The following PDLIM5 variants were observed in gnomAD, a reference collection of about 807,000 sequenced individuals.
PDLIM5 encodes the protein PDZ and LIM domain 5.
In PDLIM5, 34 loss-of-function variants were observed where a neutral mutation model predicts 64.2. The ratio of observed to expected loss-of-function variants is 0.53; its 90% CI spans 0.40 to 0.71. PDLIM5 has a LOEUF of 0.71. Ranked by LOEUF, PDLIM5 falls within the 30% of genes least tolerant of loss-of-function variation. The probability of loss-of-function intolerance (pLI) is 0.00; values close to 1 mark genes in which losing one functional copy is unlikely to be tolerated. For synonymous variants in PDLIM5, 253 were observed against 269.1 expected (o/e 0.94, Z 0.59); for missense variants, 683 against 733.6 (o/e 0.93, Z 0.80).
intron 5 of PDLIM5, among the ~76,000 whole-genome samples, chr4:94,578,491 A>G (rs1213148882): frequency 2.6e-5 from 4 of 152,188 alleles, no homozygotes; most frequent in African/African-American, 4.8e-5. Context: ...AAGTGTCTAG[A>G]TATTAGGACA....
chr4:94,524,223 G>A (rs1253342155), intron 3 of PDLIM5, among the ~76,000 whole-genome samples: 2 of 151,844 alleles, frequency 1.3e-5, no homozygotes, highest in Admixed American at 1.3e-4. Flanking sequence ...AAAAAAATTA[G>A]CCAGGCGTGG....
intron 9 of PDLIM5, among the ~76,000 whole-genome samples, chr4:94,645,081 C>T (rs1301926253): frequency 1.3e-5 from 2 of 152,160 alleles, no homozygotes; most frequent in Non-Finnish European, 2.9e-5. Context: ...CCCATCCTTT[C>T]CCCTTGAGTC....
At chr4:94,641,057 A>C (rs1740967197) in intron 9 of PDLIM5, among the ~76,000 whole-genome samples, 1 of 152,240 alleles carries the variant, frequency 6.6e-6, no homozygotes, top group Non-Finnish European at 1.5e-5. Flanking sequence ...ACTGTACTGC[A>C]GCTTATTGAA....
intron 2 of PDLIM5, chr4:94,456,128 A>G: frequency 1.6e-6 from 1 of 626,490 alleles, no homozygotes; most frequent in Non-Finnish European, 2.4e-6. Flanking sequence ...ATAAGTTTCT[A>G]AAAGGTTTGT....
intron 2 of PDLIM5, among the ~76,000 whole-genome samples, chr4:94,465,493 T>G (rs548918164): frequency 1.3e-5 from 2 of 152,270 alleles, no homozygotes; most frequent in African/African-American, 4.8e-5. Context: ...CTCCACGTCC[T>G]GGGTTCAAGC....
chr4:94,470,098 C>T (rs562420192), intron 2 of PDLIM5, among the ~76,000 whole-genome samples: 2 of 151,640 alleles, frequency 1.3e-5, no homozygotes, highest in Non-Finnish European at 2.9e-5. Flanking sequence ...TCCCCAGTAG[C>T]CGGGAGTACA....
At chr4:94,514,692 C>G (rs1338824497) in intron 2 of PDLIM5, among the ~76,000 whole-genome samples, 3 of 152,126 alleles carry the variant, frequency 2.0e-5, no homozygotes, top group Non-Finnish European at 4.4e-5. Context: ...GGGAGACTTT[C>G]TGTTACGGCT....
At chr4:94,526,374 A>G (rs1431257555) in intron 3 of PDLIM5, among the ~76,000 whole-genome samples, 1 of 152,250 alleles carries the variant, frequency 6.6e-6, no homozygotes, top group Non-Finnish European at 1.5e-5. Flanking sequence ...TTGACTTGTT[A>G]TAAACATTTG....
At chr4:94,456,381 A>G (rs1459678286) in intron 2 of PDLIM5, 4 of 656,122 alleles carry the variant, frequency 6.1e-6, no homozygotes, top group South Asian at 1.6e-5. Flanking sequence ...TATTTTTAGT[A>G]GAGACCAAGT....
At chr4:94,582,810 A>G in intron 5 of PDLIM5, 1 of 890,102 alleles carries the variant, frequency 1.1e-6, no homozygotes, top group Non-Finnish European at 1.8e-6. Context: ...ACTACCAGCA[A>G]ATTTTGTTAG....
chr4:94,657,371 A>T, intron 10 of PDLIM5, 56 bp from the exon 11 acceptor site: 1 of 1,262,560 alleles, frequency 7.9e-7, no homozygotes, highest in Non-Finnish European at 1.2e-6. Context: ...TAGAATAAAC[A>T]TTTATGTATT....
rs753306742 is a variant in PDLIM5, at chr4:94,479,243, C to CT, written c.96+23870dup. Among the ~76,000 whole-genome samples, 618 of 142,416 alleles carry CT rather than the reference C, an allele frequency of 4.3e-3. 4 individuals are homozygous for CT. Among genetic ancestry groups the CT allele is most frequent in the Non-Finnish European group, 6.9e-3 (446 of 64,902 alleles). 93.4% of individuals were successfully genotyped at this position (142,416 alleles called of 152,430 possible). On this transcript the variant is annotated intron_variant, in intron 2 of 12. Transcript: ENST00000317968. ...ACACACCAAAACCACCATTTCAGTA[C>CT]TTTTTTTTTTTCTTGCTCTATTTAT...
At chr4:94,460,791 A>T (rs1394574980) in intron 2 of PDLIM5, among the ~76,000 whole-genome samples, 3 of 152,200 alleles carry the variant, frequency 2.0e-5, no homozygotes, top group Admixed American at 1.3e-4. Context: ...CTTGGATTTA[A>T]ATCTTAGCTG....
rs936002655 is a variant in PDLIM5 at position 94,585,866 on chromosome 4, A to C, written c.883+129A>C. On this transcript the variant is annotated intron_variant, in intron 6 of 12. Coordinates refer to ENST00000317968, the MANE Select transcript of PDLIM5 (RefSeq NM_006457.5). ...GCTTTTAAATTATGCTGTGCATAACATGGGTAATATAAATAAGACCCCAGG... is the reference window on the plus strand; with the variant it reads ...GCTTTTAAATTATGCTGTGCATAACCTGGGTAATATAAATAAGACCCCAGG... 1.7e-5 allele frequency: 11 copies of C among 654,388 alleles called. No individual in the cohort carries two copies. The Admixed American group carries it at 2.5e-4, about 15-fold the overall frequency. The allele number at this position is 654,388 out of a possible 1,614,324, so 40.5% of individuals were successfully genotyped here.
intron 3 of PDLIM5, among the ~76,000 whole-genome samples, chr4:94,542,453 T>G (rs1174236142): frequency 6.6e-6 from 1 of 152,186 alleles, no homozygotes; most frequent in Non-Finnish European, 1.5e-5. Flanking sequence ...TTTTTTCTCA[T>G]TTGCCTGCTA....
chr4:94,490,062 T>G (rs1370216671), intron 2 of PDLIM5, among the ~76,000 whole-genome samples: 1 of 151,928 alleles, frequency 6.6e-6, no homozygotes, highest in Non-Finnish European at 1.5e-5. Context: ...TGAATGTTTT[T>G]GTGGGTTTTT....
At chr4:94,575,130 C>T (rs555541162) in intron 4 of PDLIM5, among the ~76,000 whole-genome samples, 84 of 150,618 alleles carry the variant, frequency 5.6e-4, no homozygotes, top group Non-Finnish European at 8.6e-4. Context: ...GCTCCTTCTG[C>T]GTGAAACAAA....
chr4:94,526,458 T>G (rs1730362284), intron 3 of PDLIM5, among the ~76,000 whole-genome samples: 1 of 152,246 alleles, frequency 6.6e-6, no homozygotes, highest in South Asian at 2.1e-4. Flanking sequence ...AGGGAGTATT[T>G]TAGAGTCCCA....
intron 7 of PDLIM5, among the ~76,000 whole-genome samples, chr4:94,604,408 C>T (rs1308908060): frequency 3.9e-5 from 6 of 152,030 alleles, no homozygotes; most frequent in Admixed American, 6.6e-5. Flanking sequence ...CCAAGGCAGG[C>T]GGATCACTGG....
Sources: gnomAD v4.1 joint callset for allele counts (sites outside exome capture counted in the v4.1 genomes callset) on GRCh38, gnomAD v4.1.1 for gene constraint, MANE v1.5 for transcripts, NCBI Gene and HGNC (gene_info 2026-07-23, HGNC 2026-07-21) for gene names.